SMYD4: variants seen among roughly 807,000 people sequenced by gnomAD.
The protein encoded by SMYD4 is SET and MYND domain containing 4, also known as protein-lysine N-methyltransferase SMYD4.
SMYD4 carries 68 observed loss-of-function variants against 72.8 expected under a neutral mutation model. The observed-to-expected ratio is 0.93, with a 90% confidence interval of 0.77 to 1.14. SMYD4 has a LOEUF of 1.14. Among genes scored for constraint, SMYD4 ranks in the 50% most tolerant of loss-of-function variants. SMYD4 has a pLI of 0.00. For synonymous variants in SMYD4, 407 were observed against 388.6 expected (o/e 1.05, Z -0.56); for missense variants, 984 against 1,003.7 (o/e 0.98, Z 0.27).
chr17:1,819,499 G>A (rs892010272), intron 2 of SMYD4, among the ~76,000 whole-genome samples: 2 of 152,150 alleles, frequency 1.3e-5, no homozygotes, highest in African/African-American at 4.8e-5. Flanking sequence ...CTGAATCTCT[G>A]CAATGTAAAG....
At chr17:1,826,309 A>G (rs1198126767) in intron 2 of SMYD4, among the ~76,000 whole-genome samples, 1 of 152,046 alleles carries the variant, frequency 6.6e-6, no homozygotes, top group African/African-American at 2.4e-5. Flanking sequence ...CCTGCCCAAC[A>G]TGGCGAAACT....
At chr17:1,790,839 G>T (rs1206435566) in intron 5 of SMYD4, among the ~76,000 whole-genome samples, 1 of 150,526 alleles carries the variant, frequency 6.6e-6, no homozygotes, top group East Asian at 2.0e-4. Context: ...AAAGAAAAAA[G>T]ATTCATGCCG....
intron 2 of SMYD4, among the ~76,000 whole-genome samples, chr17:1,826,852 C>A (rs1472244851): frequency 6.6e-6 from 1 of 151,938 alleles, no homozygotes; most frequent in Non-Finnish European, 1.5e-5. Context: ...CTATTTTTGT[C>A]TATAGAAAGA....
In SMYD4 at chr17:1,799,751, C is replaced by G. The variant is rs145284671; in HGVS notation, c.1537+106G>C. ...CAAGACAGCTTAGTGATCCCATTAGCTCAATGATTTGTTTGAATCCTATTT... is the reference window on the plus strand; with the variant it reads ...CAAGACAGCTTAGTGATCCCATTAGGTCAATGATTTGTTTGAATCCTATTT... On this transcript the variant is annotated intron_variant, in intron 5 of 10. Transcript: ENST00000305513. The G allele has an allele frequency of 6.9e-3, 7,610 of 1,098,660 alleles. 31 individuals carry two copies. Among genetic ancestry groups the G allele is most frequent in the Non-Finnish European group, 8.2e-3 (6,485 of 793,256 alleles). The allele number at this position is 1,098,660 out of a possible 1,614,324, so 68.1% of individuals were successfully genotyped here.
intron 7 of SMYD4, among the ~76,000 whole-genome samples, chr17:1,785,465 T>C (rs906424264): frequency 8.0e-6 from 1 of 125,416 alleles, no homozygotes; most frequent in Non-Finnish European, 1.7e-5. Context: ...AGAAAACCAA[T>C]AGAAAGGCTG....
In SMYD4 at chr17:1,828,371, A is replaced by G. The variant is rs563143886; in HGVS notation, c.-12-365T>C. On this transcript the variant is annotated intron_variant, in intron 1 of 10. Coordinates refer to ENST00000305513, the MANE Select transcript of SMYD4 (RefSeq NM_052928.3). ...GTCTCGGAAAAAAAAAAAAAAGGAA[A>G]ATCAAGATTTCATTCAAGGAAGCCT... Among the ~76,000 whole-genome samples, 3 of 151,922 alleles carry G rather than the reference A, an allele frequency of 2.0e-5. No homozygotes were observed. The East Asian group carries it at 5.8e-4, about 29-fold the overall frequency.
chr17:1,797,614 TG>T (rs1226094160), intron 5 of SMYD4, among the ~76,000 whole-genome samples: 1 of 152,104 alleles, frequency 6.6e-6, no homozygotes, highest in East Asian at 1.9e-4. Flanking sequence ...TGCTGCAGTG[TG>T]GGGTGGAAGG....
intron 5 of SMYD4, among the ~76,000 whole-genome samples, chr17:1,791,024 G>A (rs1908994125): frequency 6.7e-6 from 1 of 150,298 alleles, no homozygotes; most frequent in South Asian, 2.1e-4. Context: ...CTACTCGGGA[G>A]GCTGAGGCAG....
intron 2 of SMYD4, among the ~76,000 whole-genome samples, chr17:1,822,784 A>G (rs1330231965): frequency 6.6e-6 from 1 of 152,012 alleles, no homozygotes; most frequent in Non-Finnish European, 1.5e-5. Flanking sequence ...AAAAACTCTT[A>G]CCTTTTATTT....
chr17:1,826,518 A>AAAAAAAAAAAAAAAAG (rs1259676707), intron 2 of SMYD4, among the ~76,000 whole-genome samples: 3 of 136,978 alleles, frequency 2.2e-5, no homozygotes, highest in Non-Finnish European at 3.2e-5. Flanking sequence ...AAAAAAAAAA[A>AAAAAAAAAAAAAAAAG]GAAAAGAAAA....
At chr17:1,798,266 G>A (rs1448907749) in intron 5 of SMYD4, among the ~76,000 whole-genome samples, 3 of 151,834 alleles carry the variant, frequency 2.0e-5, no homozygotes, top group African/African-American at 7.3e-5. Flanking sequence ...AAGTGGCTGG[G>A]ATTAGAGGCG....
chr17:1,799,986 A>T lies in SMYD4; in HGVS notation c.1408T>A (p.Ser470Thr), dbSNP rs750336674. 7 of 1,613,992 alleles carry T rather than the reference A, an allele frequency of 4.3e-6. No homozygotes were observed. Among genetic ancestry groups the T allele is most frequent in the Non-Finnish European group, 8.5e-7 (1 of 1,180,026 alleles). Reference sequence around the variant, plus strand: ...GTCACTGCTGCTTTAAGCTGAGAGGAGTTCACAATCCTCTCAGTTGGGATG... The same window carrying T: ...GTCACTGCTGCTTTAAGCTGAGAGGTGTTCACAATCCTCTCAGTTGGGATG... ...QAIPTERIVN[S>T]SQLKAAVTPE... Residue 470 changes from serine (S) to threonine (T), a missense_variant, in exon 5 of 11, where the codon TCC becomes ACC. By Grantham distance (58) the Ser-to-Thr change is moderately conservative. Transcript: ENST00000305513.
chr17:1,787,458 G>A lies in SMYD4; in HGVS notation c.1684C>T (p.Arg562Trp), dbSNP rs11549830. 547,347 of 1,561,572 alleles carry A rather than the reference G, an allele frequency of 0.35. 99,470 individuals carry two copies. The highest frequency in any genetic ancestry group is 0.55 in the East Asian group (23,134 of 42,132). ...STVATIRASQ[R>W]IRKGQEILHC... is the part of the protein sequence containing the mutation. ...AGAATCTCTTGCCCCTTTCTAATCC[G>A]CTGTGACGCCCGGATGGTGGCGACA... is the stretch of plus-strand genomic sequence containing the variant. The change falls in exon 6 of 11, where the codon CGG becomes TGG. Residue 562 changes from arginine (R) to tryptophan (W), a missense_variant. Arg to Trp is a moderately radical substitution (Grantham distance 101). Transcript: ENST00000305513.
At chr17:1,794,037 G>GTA (rs540607649) in intron 5 of SMYD4, among the ~76,000 whole-genome samples, 1 of 49,332 alleles carries the variant, frequency 2.0e-5, no homozygotes, top group Non-Finnish European at 4.3e-5. Context: ...ATATATATAT[G>GTA]TATGTATATA....
At chr17:1,808,133 C>G (rs1167123571) in intron 3 of SMYD4, among the ~76,000 whole-genome samples, 1 of 152,168 alleles carries the variant, frequency 6.6e-6, no homozygotes, top group Admixed American at 6.6e-5. Context: ...AATTACCCTT[C>G]TAGGAATTTA....
At chr17:1,790,715 G>C (rs977233644) in intron 5 of SMYD4, among the ~76,000 whole-genome samples, 2 of 151,960 alleles carry the variant, frequency 1.3e-5, no homozygotes, top group South Asian at 2.1e-4. Context: ...ACAGGTTTCA[G>C]CATGTTAGTC....
At chr17:1,825,420 C>T (rs1475965043) in intron 2 of SMYD4, among the ~76,000 whole-genome samples, 1 of 151,294 alleles carries the variant, frequency 6.6e-6, no homozygotes, top group African/African-American at 2.4e-5. Flanking sequence ...AAACAATGAA[C>T]ATTTTTATCA....
intron 2 of SMYD4, among the ~76,000 whole-genome samples, chr17:1,817,842 T>C (rs1910694768): frequency 6.6e-6 from 1 of 151,920 alleles, no homozygotes; most frequent in Non-Finnish European, 1.5e-5. Flanking sequence ...GGTCAGGAGA[T>C]TGAGACCATC....
intron 7 of SMYD4, among the ~76,000 whole-genome samples, chr17:1,786,174 T>C (rs533763063): frequency 8.9e-4 from 136 of 152,316 alleles, no homozygotes; most frequent in African/African-American, 3.2e-3. Flanking sequence ...GTAACATCTC[T>C]GCCCAGGCTG....
Sources: gnomAD v4.1 joint callset for allele counts (sites outside exome capture counted in the v4.1 genomes callset) on GRCh38, gnomAD v4.1.1 for gene constraint, MANE v1.5 for transcripts, NCBI Gene and HGNC (gene_info 2026-07-23, HGNC 2026-07-21) for gene names.